ABCC6: variants seen among roughly 807,000 people sequenced by gnomAD.
The protein encoded by ABCC6 is ATP-binding cassette sub-family C member 6.
A neutral mutation model predicts 169.5 loss-of-function variants in ABCC6; 126 were observed. The observed-to-expected ratio is 0.74, with a 90% CI of 0.64 to 0.86. The LOEUF (loss-of-function observed/expected upper bound fraction) is 0.86. Among genes scored for constraint, ABCC6 ranks in the 40% least tolerant of loss-of-function variants. The pLI is 0.00. For missense variants in ABCC6, 1,733 were observed against 1,927.2 expected, an observed-to-expected ratio of 0.90 and a Z score of 1.89; for synonymous variants, 752 against 814.7, an observed-to-expected ratio of 0.92 and a Z score of 1.31.
intron 29 of ABCC6, 87 bp downstream of exon 29, chr16:16,154,541 G>T: frequency 6.6e-7 from 1 of 1,518,550 alleles, no homozygotes; most frequent in South Asian, 1.1e-5. Flanking sequence ...CCTATCGGGG[G>T]AGGCATTTCC....
intron 20 of ABCC6, among the ~76,000 whole-genome samples, chr16:16,175,396 G>A (rs918019166): frequency 3.9e-5 from 6 of 152,172 alleles, no homozygotes; most frequent in Admixed American, 2.6e-4. Flanking sequence ...TTCTGCTGCC[G>A]ACAGCTCCAC....
intron 27 of ABCC6, among the ~76,000 whole-genome samples, chr16:16,156,929 T>G (rs1441835334): frequency 4.5e-5 from 5 of 109,972 alleles, no homozygotes; most frequent in East Asian, 2.6e-4. Context: ...GGCAACAGAG[T>G]GAGACTCTGT....
At chr16:16,177,743 G>T in intron 18 of ABCC6, 117 bp from the exon 19 acceptor site, 2 of 1,279,984 alleles carry the variant, frequency 1.6e-6, no homozygotes, top group Admixed American at 1.8e-5. Flanking sequence ...AGAAGTTCGA[G>T]ACCAGCCTGG....
chr16:16,179,527 G>A (rs560493024), intron 17 of ABCC6, among the ~76,000 whole-genome samples: 12 of 152,158 alleles, frequency 7.9e-5, no homozygotes, highest in Admixed American at 6.5e-4. Flanking sequence ...CCCGGGGGAT[G>A]GTTTCAGGAC....
In ABCC6 at chr16:16,184,198, C is replaced by CAA. The variant is rs56071235; in HGVS notation, c.1943+759_1943+760dup. ...CGCGTGATAGAGCAAGACTCCGTTT[C>CAA]AAAAAAAAAAAAAAAAAAAAAAAAA... On this transcript the variant is annotated intron_variant, in intron 15 of 30. Coordinates refer to ENST00000205557, the MANE Select transcript of ABCC6 (RefSeq NM_001171.6). 29 of 71,950 alleles carry CAA rather than the reference C, an allele frequency of 4.0e-4. 4 individuals carry two copies. The highest frequency in any genetic ancestry group is 1.2e-3 in the South Asian group (5 of 4,094). The allele number at this position is 71,950 out of a possible 1,614,324, so 4.5% of individuals were successfully genotyped here. A position where few individuals can be genotyped will look rare whatever the true frequency, so the allele number is the denominator to read the frequency against.
intron 22 of ABCC6, 35 bp downstream of exon 22, chr16:16,169,611 G>A (rs41278176): frequency 1.3e-4 from 214 of 1,607,250 alleles, no homozygotes; most frequent in Non-Finnish European, 1.7e-4. Flanking sequence ...GGTGCAGCTG[G>A]GAGGAGAGGG....
intron 24 of ABCC6, among the ~76,000 whole-genome samples, chr16:16,162,003 A>T (rs2046736436): frequency 6.6e-6 from 1 of 152,154 alleles, no homozygotes; most frequent in Non-Finnish European, 1.5e-5. Flanking sequence ...GTGAGTTCTC[A>T]CAAGATCATA....
At chr16:16,174,764 C>CCCCCG (rs2047221822) in intron 20 of ABCC6, among the ~76,000 whole-genome samples, 1 of 122,106 alleles carries the variant, frequency 8.2e-6, no homozygotes, top group African/African-American at 2.7e-5. Context: ...CTCAAAACCC[C>CCCCCG]CCCCCGCAAA....
intron 9 of ABCC6, among the ~76,000 whole-genome samples, chr16:16,199,040 T>C (rs1023305024): frequency 1.5e-5 from 2 of 133,340 alleles, no homozygotes; most frequent in African/African-American, 5.1e-5. Context: ...GTGGTGCGCC[T>C]GTGGTCCTAG....
intron 10 of ABCC6, among the ~76,000 whole-genome samples, chr16:16,194,065 G>C (rs1596690708): frequency 6.6e-6 from 1 of 152,206 alleles, no homozygotes; most frequent in East Asian, 1.9e-4. Flanking sequence ...ACTGGGGGGT[G>C]TTCCCAGCCA....
chr16:16,194,797 G>T (rs573466794), intron 10 of ABCC6, among the ~76,000 whole-genome samples: 61 of 152,172 alleles, frequency 4.0e-4, no homozygotes, highest in African/African-American at 1.5e-3. Context: ...CGATTCTCCT[G>T]TCTCAGCCTC....
chr16:16,221,308 T>G (rs977795531), intron 2 of ABCC6: 21 of 1,352,494 alleles, frequency 1.6e-5, no homozygotes, highest in Non-Finnish European at 2.0e-5. Context: ...TTTTAAAAGG[T>G]TCATCCTAAT....
intron 27 of ABCC6, 161 bp from the exon 28 acceptor site, chr16:16,155,192 A>G (rs528963787): frequency 1.3e-6 from 1 of 785,672 alleles, no homozygotes; most frequent in East Asian, 2.7e-5. Flanking sequence ...CTATATATCC[A>G]CCCATCAATC....
At position 16,192,935 on chromosome 16, in the gene ABCC6, G is replaced by T; in HGVS notation, c.1339-13C>A. 1 of 1,611,542 alleles carries T rather than the reference G, an allele frequency of 6.2e-7. No homozygotes were observed. Among genetic ancestry groups the T allele is most frequent in the Admixed American group, 1.7e-5 (1 of 59,974 alleles). Reference sequence around the variant, plus strand: ...AGGGCCCCAGGAGCTGGGGATAGAAGGGGCAGGATGTCAGGAGATCCCGAG... The same window carrying T: ...AGGGCCCCAGGAGCTGGGGATAGAATGGGCAGGATGTCAGGAGATCCCGAG... On this transcript the variant is annotated splice_polypyrimidine_tract_variant and intron_variant, in intron 10 of 30. Coordinates refer to ENST00000205557, the MANE Select transcript of ABCC6 (RefSeq NM_001171.6).
rs1056205283 is a variant in ABCC6, at chr16:16,159,355, G to T, written c.3735+127C>A. ...CTGTCTGTGACTCTGACCTATAGTGGTGGGGGTTGAGTGAGGGGAGAAGAG... is the reference window on the plus strand; with the variant it reads ...CTGTCTGTGACTCTGACCTATAGTGTTGGGGGTTGAGTGAGGGGAGAAGAG... On this transcript the variant is annotated intron_variant, in intron 26 of 30. Coordinates refer to ENST00000205557, the MANE Select transcript of ABCC6 (RefSeq NM_001171.6). The T allele has an allele frequency of 4.5e-6, 4 of 894,312 alleles. No homozygotes were observed. In the African/African-American group the frequency reaches 4.9e-5, roughly 11 times the overall value. The allele number at this position is 894,312 out of a possible 1,614,324, so 55.4% of individuals were successfully genotyped here.
chr16:16,195,889 C>T (rs1181683814), intron 10 of ABCC6, among the ~76,000 whole-genome samples: 1 of 152,006 alleles, frequency 6.6e-6, no homozygotes, highest in Non-Finnish European at 1.5e-5. Context: ...TTGGAATATT[C>T]AGCAATTACA....
At chr16:16,190,476 C>A in intron 11 of ABCC6, 109 bp from the exon 12 acceptor site, 1 of 1,239,166 alleles carries the variant, frequency 8.1e-7, no homozygotes, top group South Asian at 1.3e-5. Context: ...CAAACTGCGT[C>A]CCAAACCTGT....
In ABCC6 at chr16:16,204,961, A is replaced by G. The variant is rs1320316573; in HGVS notation, c.795-1348T>C. ...AGCAATTCTCCTGCCTCAGCCTCCC[A>G]AGTAGCTGGGATTACAGGCACACAC... is the stretch of plus-strand genomic sequence containing the variant. On this transcript the variant is annotated intron_variant, in intron 7 of 30. Coordinates refer to ENST00000205557, the MANE Select transcript of ABCC6 (RefSeq NM_001171.6). 2.7e-5 allele frequency among the ~76,000 whole-genome samples: 4 copies of G among 149,708 alleles called. No individual in the cohort carries two copies. The East Asian group carries it at 7.9e-4, about 29-fold the overall frequency.
In ABCC6 at chr16:16,159,517, C is replaced by T; in HGVS notation, c.3700G>A (p.Glu1234Lys). ...TDLENSIVSV[E>K]RMQDYAWTPK... ...GTCCAGGCATAGTCCTGCATCCGCT[C>T]CACTGACACGATGCTGTTCTCTAGG... The change falls in exon 26 of 31, where the codon GAG becomes AAG. Residue 1234 changes from glutamate (E) to lysine (K), a missense_variant. Glu to Lys is a moderately conservative substitution (Grantham distance 56, BLOSUM62 1). Coordinates refer to ENST00000205557, the MANE Select transcript of ABCC6 (RefSeq NM_001171.6). 1 of 1,614,154 alleles carries T rather than the reference C, an allele frequency of 6.2e-7. No individual in the cohort carries two copies. The highest frequency in any genetic ancestry group is 8.5e-7 in the Non-Finnish European group (1 of 1,180,038).
Sources: gnomAD v4.1 joint callset for allele counts (sites outside exome capture counted in the v4.1 genomes callset) on GRCh38, gnomAD v4.1.1 for gene constraint, MANE v1.5 for transcripts, NCBI Gene and HGNC (gene_info 2026-07-23, HGNC 2026-07-21) for gene names.